Variants in LUC7L3 observed in about 807,000 individuals in gnomAD.
The protein encoded by LUC7L3 is luc7-like protein 3.
Under a neutral mutation model 66.8 loss-of-function variants are expected in LUC7L3, and 6 were observed. The ratio of observed to expected loss-of-function variants is 0.09; its 90% CI spans 0.05 to 0.18. LUC7L3 has a LOEUF of 0.18. LUC7L3 is among the 10% of genes least tolerant of loss of function. The pLI, the probability that LUC7L3 is intolerant of heterozygous loss-of-function variation, is 1.00. For missense variants in LUC7L3, 341 were observed against 531.1 expected (o/e 0.64, Z 3.52); for synonymous variants, 160 against 174.7 (o/e 0.92, Z 0.66).
At chr17:50,721,598 C>A (rs1188136106) in intron 1 of LUC7L3, among the ~76,000 whole-genome samples, 2 of 152,202 alleles carry the variant, frequency 1.3e-5, no homozygotes, top group Non-Finnish European at 2.9e-5. Flanking sequence ...AGATTGATAT[C>A]TGCAGGGAAA....
intron 2 of LUC7L3, among the ~76,000 whole-genome samples, chr17:50,739,199 A>G (rs1197501996): frequency 1.3e-5 from 2 of 152,208 alleles, no homozygotes; most frequent in Non-Finnish European, 2.9e-5. Flanking sequence ...TCATCAGGAC[A>G]ATAATTCTAT....
intron 1 of LUC7L3, among the ~76,000 whole-genome samples, chr17:50,732,021 G>A (rs896165601): frequency 1.3e-5 from 2 of 152,114 alleles, no homozygotes; most frequent in Non-Finnish European, 2.9e-5. Flanking sequence ...AGCTGCTGGC[G>A]TCAAGACAAG....
rs1968611584 is a variant in LUC7L3, at chr17:50,719,807, C to T, written c.75C>T (p.Ser25=). The T allele has an allele frequency of 1.9e-6, 3 of 1,611,664 alleles. No homozygotes were observed. Among genetic ancestry groups the T allele is most frequent in the East Asian group, 2.2e-5 (1 of 44,720 alleles). The change falls in exon 1 of 10, where the codon AGC becomes AGT. Residue 25 remains serine, a synonymous_variant. Coordinates refer to ENST00000505658, the MANE Select transcript of LUC7L3 (RefSeq NM_016424.5). ...ACCTAGCCCCGGACGAGAAGCGCAG[C>T]AACGTGCGGTGGGACCACGAGAGCG... The part of the protein sequence containing the change: ...DRNLAPDEKR[S]NVRWDHESVC...
intron 1 of LUC7L3, among the ~76,000 whole-genome samples, chr17:50,727,114 T>A (rs993639243): frequency 6.6e-5 from 10 of 152,000 alleles, no homozygotes; most frequent in African/African-American, 2.4e-4. Context: ...CAGTATATAA[T>A]ACAAATAATA....
intron 1 of LUC7L3, among the ~76,000 whole-genome samples, chr17:50,730,623 T>G (rs1969541393): frequency 6.6e-6 from 1 of 151,152 alleles, no homozygotes; most frequent in Non-Finnish European, 1.5e-5. Context: ...TCTAAGTAGA[T>G]ATAGAAAGAC....
intron 1 of LUC7L3, among the ~76,000 whole-genome samples, chr17:50,733,287 G>GGCTGGAGTGCA (rs1969748230): frequency 2.0e-5 from 3 of 148,956 alleles, no homozygotes; most frequent in African/African-American, 7.5e-5. Flanking sequence ...TCTATCACCC[G>GGCTGGAGTGCA]GTGGTGCGAT....
chr17:50,730,126 C>T (rs897340409), intron 1 of LUC7L3, among the ~76,000 whole-genome samples: 1 of 151,304 alleles, frequency 6.6e-6, no homozygotes, highest in Non-Finnish European at 1.5e-5. Flanking sequence ...TAGGCCCGCA[C>T]CACCCCTGGC....
Position 50,737,204 on chromosome 17 carries a change from T to A in LUC7L3, c.166+178T>A, listed in dbSNP as rs1970035237. 6.2e-6 allele frequency: 4 copies of A among 645,432 alleles called. No individual in the cohort carries two copies. The South Asian group carries it at 7.0e-5, about 11-fold the overall frequency. The allele number at this position is 645,432 out of a possible 1,614,324, so 40.0% of individuals were successfully genotyped here. A position where few individuals can be genotyped will look rare whatever the true frequency, so the allele number is the denominator to read the frequency against. On this transcript the variant is annotated intron_variant, in intron 2 of 9. Transcript: ENST00000505658. ...ATGTATTAATAAATGTCAGTCTGAT[T>A]AAACATGGTGGCTTAATTAAACATA...
chr17:50,731,557 A>G (rs1016673405), intron 1 of LUC7L3, among the ~76,000 whole-genome samples: 14 of 152,204 alleles, frequency 9.2e-5, no homozygotes, highest in African/African-American at 2.4e-5. Flanking sequence ...ACTTGTTAAT[A>G]TTTTTAGTTA....
At chr17:50,733,429 T>A (rs1969764473) in intron 1 of LUC7L3, among the ~76,000 whole-genome samples, 1 of 115,032 alleles carries the variant, frequency 8.7e-6, no homozygotes, top group Non-Finnish European at 1.7e-5. Flanking sequence ...TGAGACAGAG[T>A]CTCCCTCTGT....
intron 1 of LUC7L3, among the ~76,000 whole-genome samples, chr17:50,720,787 T>A (rs919781191): frequency 1.3e-5 from 2 of 152,222 alleles, no homozygotes; most frequent in African/African-American, 4.8e-5. Flanking sequence ...CTTACTCTTT[T>A]TAAACGTAGG....
chr17:50,731,489 T>C (rs567177394), intron 1 of LUC7L3, among the ~76,000 whole-genome samples: 1 of 152,348 alleles, frequency 6.6e-6, no homozygotes, highest in East Asian at 1.9e-4. Flanking sequence ...GTTCTTATTA[T>C]CATTATTGAT....
rs1267323680 is a variant in LUC7L3, at chr17:50,753,405, ATTCT to A, written c.*2745_*2748del. The stretch of plus-strand genomic sequence containing the variant: ...CAGTGCCTGTTAAGCCACTGTGTTC[ATTCT>A]AATAGGCATAATGAATTGTTAAAGA... On this transcript the variant is annotated 3_prime_UTR_variant, in exon 10 of 10. Transcript: ENST00000505658. 1 of 152,582 alleles carries A rather than the reference ATTCT, an allele frequency of 6.6e-6. No individual in the cohort carries two copies. Among genetic ancestry groups the A allele is most frequent in the Non-Finnish European group, 1.5e-5 (1 of 68,026 alleles). 9.5% of individuals were successfully genotyped at this position (152,582 alleles called of 1,614,324 possible). A position where few individuals can be genotyped will look rare whatever the true frequency, so the allele number is the denominator to read the frequency against.
intron 1 of LUC7L3, among the ~76,000 whole-genome samples, chr17:50,724,584 C>T (rs60160759): frequency 0.08 from 11,775 of 147,426 alleles, 458 homozygotes; most frequent in Non-Finnish European, 0.083. Context: ...TAAGGTATTT[C>T]GTAAATCTTT....
chr17:50,725,920 A>T (rs1414228247), intron 1 of LUC7L3, among the ~76,000 whole-genome samples: 1 of 152,208 alleles, frequency 6.6e-6, no homozygotes, highest in African/African-American at 2.4e-5. Flanking sequence ...AGCTTGAGTA[A>T]TAACTGCATA....
rs575912735 is a variant in LUC7L3, at chr17:50,751,641, A to G, written c.*980A>G. 4.5e-6 allele frequency: 5 copies of G among 1,118,926 alleles called. No individual in the cohort carries two copies. The highest frequency in any genetic ancestry group is 2.1e-5 in the South Asian group (1 of 48,704). The allele number at this position is 1,118,926 out of a possible 1,614,324, so 69.3% of individuals were successfully genotyped here. A position where few individuals can be genotyped will look rare whatever the true frequency, so the allele number is the denominator to read the frequency against. On this transcript the variant is annotated 3_prime_UTR_variant, in exon 10 of 10. Coordinates refer to ENST00000505658, the MANE Select transcript of LUC7L3 (RefSeq NM_016424.5). Reference sequence around the variant, plus strand: ...TATTCGCCTTGTTACACTCAATGCAATTCTCAAGTCTATAAGAGGTATGTG... The same window carrying G: ...TATTCGCCTTGTTACACTCAATGCAGTTCTCAAGTCTATAAGAGGTATGTG...
At chr17:50,737,385 A>G (rs1029551445) in intron 2 of LUC7L3, 1 of 458,554 alleles carries the variant, frequency 2.2e-6, no homozygotes, top group South Asian at 1.6e-5. Context: ...GAGCAGAGCA[A>G]CCTGTACCCT....
At chr17:50,734,230 T>C (rs1442512470) in intron 1 of LUC7L3, among the ~76,000 whole-genome samples, 2 of 151,668 alleles carry the variant, frequency 1.3e-5, no homozygotes, top group Admixed American at 6.6e-5. Context: ...TGCAATGGCC[T>C]AATCTCAGCT....
At chr17:50,731,794 T>G (rs1567862327) in intron 1 of LUC7L3, among the ~76,000 whole-genome samples, 1 of 152,120 alleles carries the variant, frequency 6.6e-6, no homozygotes, top group African/African-American at 2.4e-5. Flanking sequence ...TGGACTAGAT[T>G]AGGTAGCTTC....
Sources: gnomAD v4.1 joint callset for allele counts (sites outside exome capture counted in the v4.1 genomes callset) on GRCh38, gnomAD v4.1.1 for gene constraint, MANE v1.5 for transcripts, NCBI Gene and HGNC (gene_info 2026-07-23, HGNC 2026-07-21) for gene names.